The following BLOC1S1 variants were observed in gnomAD, a reference collection of about 807,000 sequenced individuals.
BLOC1S1 encodes biogenesis of lysosomal organelles complex 1 subunit 1.
BLOC1S1 carries 11 observed loss-of-function variants against 19.0 expected under a neutral mutation model. The ratio of observed to expected loss-of-function variants is 0.58; its 90% CI spans 0.37 to 0.96. The LOEUF is 0.96. BLOC1S1 is among the 40% of genes least tolerant of loss of function. The pLI, the probability that BLOC1S1 is intolerant of heterozygous loss-of-function variation, is 0.01. For missense variants in BLOC1S1, 220 were observed against 195.9 expected (o/e 1.12, Z -0.73); for synonymous variants, 94 against 76.4 (o/e 1.23, Z -1.20).
intron 2 of BLOC1S1, 103 bp from the exon 3 acceptor site, chr12:55,718,988 G>T: frequency 6.9e-7 from 1 of 1,447,272 alleles, no homozygotes; most frequent in Non-Finnish European, 9.2e-7. Flanking sequence ...AAAATTATGA[G>T]CCCTGATTCT....
Position 55,716,404 on chromosome 12 carries a change from C to A in BLOC1S1, c.145+208C>A, listed in dbSNP as rs1876531478. ...GGTCCCTTGGGCAATACTCCGGTCC[C>A]CTCGGCAACGCCCCCAATCCCCGAC... On this transcript the variant is annotated intron_variant, in intron 1 of 3. Transcript: ENST00000548925. The A allele has an allele frequency of 2.9e-6, 4 of 1,392,924 alleles. No individual in the cohort carries two copies. The South Asian group carries it at 6.4e-5, about 22-fold the overall frequency. 86.3% of individuals were successfully genotyped at this position (1,392,924 alleles called of 1,614,324 possible). A position where few individuals can be genotyped will look rare whatever the true frequency, so the allele number is the denominator to read the frequency against.
chr12:55,719,454 AC>A, intron 3 of BLOC1S1, 44 bp from the exon 4 acceptor site: 1 of 1,559,232 alleles, frequency 6.4e-7, no homozygotes, highest in Non-Finnish European at 8.8e-7. Flanking sequence ...GCCATACTCT[AC>A]CCATTCTGAT....
intron 2 of BLOC1S1, among the ~76,000 whole-genome samples, chr12:55,717,828 CTT>C (rs1876689972): frequency 6.6e-6 from 1 of 152,190 alleles, no homozygotes; most frequent in Non-Finnish European, 1.5e-5. Flanking sequence ...AGGCAGCTCT[CTT>C]TACTCAGTGT....
rs752243542 is a variant in BLOC1S1 at position 55,719,129 on chromosome 12, A to G, written c.257A>G (p.His86Arg). ...QAYMNQRKLD[H>R]EVKTLQVQAA... is the part of the protein sequence containing the mutation. ...TACATGAACCAGAGAAAGCTGGACC[A>G]TGAGGTGAAGACCCTACAGGTCCAG... The change falls in exon 3 of 4, where the codon CAT (histidine) becomes CGT (arginine). Residue 86 changes from histidine to arginine, a missense_variant. His to Arg is a conservative substitution (Grantham distance 29, BLOSUM62 0). Coordinates refer to ENST00000548925, the MANE Select transcript of BLOC1S1 (RefSeq NM_001487.4). The G allele has an allele frequency of 2.2e-5, 36 of 1,613,840 alleles. No homozygotes were observed. Among genetic ancestry groups the G allele is most frequent in the South Asian group, 9.9e-5 (9 of 91,070 alleles).
rs1876565693 is a variant in BLOC1S1, at chr12:55,716,654, T to A, written c.146-279T>A. ...AGTTACCGATTCTGCGGCCGAGTAG[T>A]GGAGAAAGAGTGCCTGGGAGTCAGG... On this transcript the variant is annotated intron_variant, in intron 1 of 3. Transcript: ENST00000548925. 3.1e-6 allele frequency: 4 copies of A among 1,276,866 alleles called. No individual in the cohort carries two copies. The South Asian group carries it at 6.4e-5, about 21-fold the overall frequency. 79.1% of individuals were successfully genotyped at this position (1,276,866 alleles called of 1,614,324 possible).
Position 55,719,165 on chromosome 12 carries a change from T to C in BLOC1S1, c.293T>C (p.Phe98Ser). ...ACCCTACAGGTCCAGGCTGCCCAAT[T>C]TGCCAAGCAGACAGGCCAGTGGATC... ...VKTLQVQAAQ[F>S]AKQTGQWIGM... The change falls in exon 3 of 4, where the codon TTT becomes TCT. Residue 98 changes from phenylalanine (F) to serine (S), a missense_variant. Phe to Ser is a radical substitution (Grantham distance 155). Transcript: ENST00000548925. 1 of 1,613,746 alleles carries C rather than the reference T, an allele frequency of 6.2e-7. No homozygotes were observed. Among genetic ancestry groups the C allele is most frequent in the South Asian group, 1.1e-5 (1 of 91,050 alleles).
At chr12:55,716,718 G>A (rs1876572600) in intron 1 of BLOC1S1, 6 of 1,309,724 alleles carry the variant, frequency 4.6e-6, no homozygotes, top group Non-Finnish European at 5.8e-6. Context: ...GCGTCCCTGA[G>A]TGAGTCCATT....
intron 1 of BLOC1S1, chr12:55,716,437 AC>A: frequency 7.4e-7 from 1 of 1,358,838 alleles, no homozygotes; most frequent in South Asian, 1.7e-5. Context: ...GACCTGCCGC[AC>A]CTTAGCCCCG....
At chr12:55,716,608 A>C in intron 1 of BLOC1S1, 1 of 1,222,542 alleles carries the variant, frequency 8.2e-7, no homozygotes, top group African/African-American at 1.6e-5. Context: ...TTGTTTCCTG[A>C]GTCCGGGCTG....
In BLOC1S1 at chr12:55,719,672, G is replaced by A; in HGVS notation, c.*63G>A. 7.2e-7 allele frequency: 1 copy of A among 1,380,948 alleles called. No homozygotes were observed. Among genetic ancestry groups the A allele is most frequent in the Non-Finnish European group, 1.0e-6 (1 of 977,548 alleles). The allele number at this position is 1,380,948 out of a possible 1,614,324, so 85.5% of individuals were successfully genotyped here. ...ACCCGCAGGGGGAAGGAGGGAGGCT[G>A]ACAAGCCTTGAATAAAACACAAGCC... On this transcript the variant is annotated 3_prime_UTR_variant, in exon 4 of 4. Coordinates refer to ENST00000548925, the MANE Select transcript of BLOC1S1 (RefSeq NM_001487.4).
Position 55,719,603 on chromosome 12 carries a change from T to C in BLOC1S1, c.456T>C (p.Pro152=), listed in dbSNP as rs1172156143. 6.2e-7 allele frequency: 1 copy of C among 1,613,948 alleles called. No homozygotes were observed. The highest frequency in any genetic ancestry group is 1.7e-5 in the Admixed American group (1 of 60,016). ...ACAAAGGGCAGCTGCAGTCTGCCCC[T>C]TCCTAGCCCCTGTTCCCTCCCCCAA... is the stretch of plus-strand genomic sequence containing the variant. ...YVYKGQLQSA[P]S Residue 152 remains proline, a synonymous_variant, in exon 4 of 4, where the codon CCT becomes CCC. Transcript: ENST00000548925.
At chr12:55,716,479 C>T in intron 1 of BLOC1S1, 1 of 1,298,294 alleles carries the variant, frequency 7.7e-7, no homozygotes, top group Non-Finnish European at 9.8e-7. Flanking sequence ...GCCTATTGGC[C>T]CTGGGAGCCT....
chr12:55,716,591 G>A, intron 1 of BLOC1S1: 1 of 1,216,954 alleles, frequency 8.2e-7, no homozygotes, highest in Non-Finnish European at 1.0e-6. Context: ...GAACGGAGGT[G>A]GGGCACTTGT....
In BLOC1S1 at chr12:55,716,238, G is replaced by A. The variant is rs181005955; in HGVS notation, c.145+42G>A. ...GTCGGCCGTTTTCTCTTCGGCCGCGGCCTAGCTTCAGCCCGGAGCCTGGAT... is the reference window on the plus strand; with the variant it reads ...GTCGGCCGTTTTCTCTTCGGCCGCGACCTAGCTTCAGCCCGGAGCCTGGAT... On this transcript the variant is annotated intron_variant, in intron 1 of 3. Coordinates refer to ENST00000548925, the MANE Select transcript of BLOC1S1 (RefSeq NM_001487.4). 138 of 1,570,200 alleles carry A rather than the reference G, an allele frequency of 8.8e-5. No individual in the cohort carries two copies. The African/African-American group carries it at 1.4e-3, about 16-fold the overall frequency.
intron 1 of BLOC1S1, chr12:55,716,548 A>C (rs1876554370): frequency 8.2e-7 from 1 of 1,215,462 alleles, no homozygotes; most frequent in Non-Finnish European, 1.0e-6. Flanking sequence ...GGAACCCCCC[A>C]GAGATGGGCT....
At chr12:55,718,652 C>T (rs891230968) in intron 2 of BLOC1S1, among the ~76,000 whole-genome samples, 1 of 152,096 alleles carries the variant, frequency 6.6e-6, no homozygotes, top group Non-Finnish European at 1.5e-5. Flanking sequence ...CATCCTAACC[C>T]GGCTTCAGGG....
At position 55,716,078 on chromosome 12, in the gene BLOC1S1, T is replaced by C; in HGVS notation, c.27T>C (p.Arg9=). ...TGGCCCCGGGGAGCCGAGGTGAGCG[T>C]TCCAGCTTCCGGAGCCGGAGGGGGC... The part of the protein sequence containing the change: MAPGSRGE[R]SSFRSRRGPG... Residue 9 remains arginine, a synonymous_variant, in exon 1 of 4, where the codon CGT becomes CGC. Coordinates refer to ENST00000548925, the MANE Select transcript of BLOC1S1 (RefSeq NM_001487.4). 2 of 1,575,440 alleles carry C rather than the reference T, an allele frequency of 1.3e-6. No individual in the cohort carries two copies. The highest frequency in any genetic ancestry group is 1.2e-5 in the South Asian group (1 of 86,532).
chr12:55,719,121 G>A lies in BLOC1S1; in HGVS notation c.249G>A (p.Lys83=), dbSNP rs1349101344. 1 of 1,613,794 alleles carries A rather than the reference G, an allele frequency of 6.2e-7. No homozygotes were observed. Among genetic ancestry groups the A allele is most frequent in the Admixed American group, 1.7e-5 (1 of 59,974 alleles). Residue 83 remains lysine, a synonymous_variant, in exon 3 of 4, where the codon AAG becomes AAA. Transcript: ENST00000548925. The part of the protein sequence containing the change: ...GVAQAYMNQR[K]LDHEVKTLQV... Reference sequence around the variant, plus strand: ...CCCAGGCCTACATGAACCAGAGAAAGCTGGACCATGAGGTGAAGACCCTAC... The same window carrying A: ...CCCAGGCCTACATGAACCAGAGAAAACTGGACCATGAGGTGAAGACCCTAC...
chr12:55,719,054 A>G (rs749550970), intron 2 of BLOC1S1, 37 bp from the exon 3 acceptor site: 13 of 1,606,716 alleles, frequency 8.1e-6, no homozygotes, highest in African/African-American at 1.3e-5. Context: ...ACCCCCAACT[A>G]GCTGGAGCTG....
Sources: allele counts gnomAD v4.1 joint callset (sites outside exome capture counted in the v4.1 genomes callset), GRCh38; gene constraint gnomAD v4.1.1; transcripts MANE v1.5; gene names NCBI Gene and HGNC (gene_info 2026-07-23, HGNC 2026-07-21).